Variants in NFKB1 observed in about 807,000 individuals in gnomAD.
NFKB1 encodes nuclear factor NF-kappa-B p105 subunit.
In NFKB1, 9 loss-of-function variants were observed where a neutral mutation model predicts 105.1. That is an observed-to-expected ratio of 0.09 (90% CI 0.05 to 0.15). NFKB1 has a LOEUF of 0.15. Among genes scored for constraint, NFKB1 ranks in the 10% least tolerant of loss-of-function variants. The probability of loss-of-function intolerance (pLI) is 1.00; values close to 1 mark genes in which losing one functional copy is unlikely to be tolerated. For missense variants in NFKB1, 830 were observed against 1,203.7 expected, an observed-to-expected ratio of 0.69 and a Z score of 4.59; for synonymous variants, 440 against 442.2, an observed-to-expected ratio of 1.00 and a Z score of 0.06.
At chr4:102,596,039 A>C in intron 13 of NFKB1, 99 bp from the exon 14 acceptor site, 1 of 713,824 alleles carries the variant, frequency 1.4e-6, no homozygotes, top group Non-Finnish European at 2.2e-6. Flanking sequence ...CTTTTGCAGC[A>C]AACTTGTCTC....
intron 16 of NFKB1, among the ~76,000 whole-genome samples, chr4:102,602,761 G>T (rs1197629301): frequency 6.6e-6 from 1 of 152,116 alleles, no homozygotes. Context: ...ACTCTTCACT[G>T]CCTGTTAATA....
chr4:102,566,557 T>G (rs1723887776), intron 5 of NFKB1, among the ~76,000 whole-genome samples: 1 of 152,196 alleles, frequency 6.6e-6, no homozygotes. Flanking sequence ...CTTACCTGCC[T>G]TCTTCCTTTG....
At position 102,610,751 on chromosome 4, in the gene NFKB1, C is replaced by T. The variant is rs753832386; in HGVS notation, c.2352+52C>T. On this transcript the variant is annotated intron_variant, in intron 20 of 23. Coordinates refer to ENST00000226574, the MANE Select transcript of NFKB1 (RefSeq NM_003998.4). ...GCTGCCCCTGAGGGAGTCAGAGGTT[C>T]AGGAATGTAAGAACAGATGGTCTTC... 5.6e-6 allele frequency: 9 copies of T among 1,598,506 alleles called. 1 individual carries two copies. In the South Asian group the frequency reaches 1.0e-4, roughly 18 times the overall value.
At chr4:102,537,127 T>C (rs1005013936) in intron 4 of NFKB1, among the ~76,000 whole-genome samples, 1 of 152,202 alleles carries the variant, frequency 6.6e-6, no homozygotes, top group Non-Finnish European at 1.5e-5. Flanking sequence ...TAGGTGTTTA[T>C]CAGCCCACAG....
intron 5 of NFKB1, among the ~76,000 whole-genome samples, chr4:102,539,253 A>G (rs897660167): frequency 2.0e-5 from 3 of 151,020 alleles, no homozygotes; most frequent in African/African-American, 4.9e-5. Flanking sequence ...AAAAAAAAAA[A>G]AAAAGAAAGA....
At chr4:102,604,668 A>T (rs1482970639) in intron 16 of NFKB1, among the ~76,000 whole-genome samples, 1 of 151,400 alleles carries the variant, frequency 6.6e-6, no homozygotes, top group Non-Finnish European at 1.5e-5. Context: ...TTCACCTATA[A>T]CATCCTTGTT....
At chr4:102,545,293 G>A (rs1474820532) in intron 5 of NFKB1, among the ~76,000 whole-genome samples, 2 of 152,086 alleles carry the variant, frequency 1.3e-5, no homozygotes, top group Non-Finnish European at 2.9e-5. Context: ...CCTCCCTGGG[G>A]TCTCATGGAC....
chr4:102,594,175 A>G (rs1046236031), intron 12 of NFKB1, among the ~76,000 whole-genome samples: 1 of 152,230 alleles, frequency 6.6e-6, no homozygotes, highest in African/African-American at 2.4e-5. Context: ...AGATGTTAAC[A>G]TAAACATTTC....
chr4:102,564,510 A>T (rs1668321971), intron 5 of NFKB1, among the ~76,000 whole-genome samples: 1 of 152,206 alleles, frequency 6.6e-6, no homozygotes, highest in African/African-American at 2.4e-5. Context: ...AGATGATGCG[A>T]TGCTGACTTG....
chr4:102,550,146 T>C (rs1417624875), intron 5 of NFKB1, among the ~76,000 whole-genome samples: 1 of 152,170 alleles, frequency 6.6e-6, no homozygotes, highest in Non-Finnish European at 1.5e-5. Context: ...TATAAGCCAT[T>C]CCTGTCATTA....
intron 1 of NFKB1, among the ~76,000 whole-genome samples, chr4:102,504,748 G>A (rs913070893): frequency 3.4e-4 from 51 of 152,172 alleles, no homozygotes; most frequent in Admixed American, 3.3e-3. Context: ...AAGAGCATAT[G>A]ATCTCTCTTT....
intron 1 of NFKB1, among the ~76,000 whole-genome samples, chr4:102,514,789 G>A (rs958274208): frequency 3.9e-5 from 6 of 152,072 alleles, no homozygotes; most frequent in Non-Finnish European, 8.8e-5. Context: ...TACACAATAA[G>A]ATCATTGTTT....
At chr4:102,538,825 G>A (rs1741807588) in intron 5 of NFKB1, among the ~76,000 whole-genome samples, 1 of 152,110 alleles carries the variant, frequency 6.6e-6, no homozygotes, top group African/African-American at 2.4e-5. Context: ...GGACAAAATA[G>A]TTCTCACTAT....
chr4:102,591,726 G>A (rs1216746089), intron 11 of NFKB1, among the ~76,000 whole-genome samples: 1 of 152,212 alleles, frequency 6.6e-6, no homozygotes, highest in Non-Finnish European at 1.5e-5. Flanking sequence ...TCACCCAAGA[G>A]CTCTGAAGGA....
chr4:102,524,488 G>A (rs1253033048), intron 1 of NFKB1, among the ~76,000 whole-genome samples: 1 of 152,160 alleles, frequency 6.6e-6, no homozygotes, highest in African/African-American at 2.4e-5. Context: ...TTTGGCATCA[G>A]GGACCAGTTT....
chr4:102,555,914 T>A (rs1399843775), intron 5 of NFKB1, among the ~76,000 whole-genome samples: 3 of 152,174 alleles, frequency 2.0e-5, no homozygotes, highest in Non-Finnish European at 4.4e-5. Context: ...ATCTGCTAAC[T>A]GATATTGGAA....
At chr4:102,613,086 T>C (rs1191869785) in intron 22 of NFKB1, among the ~76,000 whole-genome samples, 1 of 152,148 alleles carries the variant, frequency 6.6e-6, no homozygotes, top group Non-Finnish European at 1.5e-5. Flanking sequence ...TGGTTAGCTT[T>C]TGTTTCTGCA....
intron 6 of NFKB1, among the ~76,000 whole-genome samples, chr4:102,573,746 C>G (rs1424537363): frequency 6.6e-6 from 1 of 151,894 alleles, no homozygotes; most frequent in Non-Finnish European, 1.5e-5. Context: ...TTTTCTCTTT[C>G]ATTTTGGAAA....
chr4:102,564,701 T>G (rs760499216), intron 5 of NFKB1, among the ~76,000 whole-genome samples: 1 of 152,312 alleles, frequency 6.6e-6, no homozygotes, highest in African/African-American at 2.4e-5. Context: ...CAGAGACTAA[T>G]TGCCTCATAA....
Sources: allele counts gnomAD v4.1 joint callset (sites outside exome capture counted in the v4.1 genomes callset), GRCh38; gene constraint gnomAD v4.1.1; transcripts MANE v1.5; gene names NCBI Gene and HGNC (gene_info 2026-07-23, HGNC 2026-07-21).